Variants in COPS4 observed in about 807,000 individuals in gnomAD.
COPS4 encodes COP9 signalosome complex subunit 4.
A neutral mutation model predicts 55.1 loss-of-function variants in COPS4; 8 were observed. That is an observed-to-expected ratio of 0.15 (90% CI 0.09 to 0.26). The LOEUF (loss-of-function observed/expected upper bound fraction) is 0.26. Ranked by LOEUF, COPS4 falls within the 10% of genes least tolerant of loss-of-function variation. The pLI is 1.00. For missense variants in COPS4, 248 were observed against 484.0 expected (o/e 0.51, Z 4.58); for synonymous variants, 185 against 165.7 (o/e 1.12, Z -0.90).
intron 1 of COPS4, among the ~76,000 whole-genome samples, chr4:83,044,997 A>G (rs1730669449): frequency 2.0e-5 from 3 of 152,228 alleles, no homozygotes; most frequent in Admixed American, 2.0e-4. Context: ...ATTAGATCTG[A>G]ATGCAAATAA....
intron 6 of COPS4, among the ~76,000 whole-genome samples, chr4:83,058,304 A>G (rs72666503): frequency 0.44 from 67,319 of 152,062 alleles, 17,251 homozygotes; most frequent in Admixed American, 0.58. Flanking sequence ...TACAGCCTCA[A>G]TCTCCTGGGC....
intron 3 of COPS4, 47 bp from the exon 4 acceptor site, chr4:83,049,834 T>G: frequency 9.5e-7 from 1 of 1,056,686 alleles, no homozygotes; most frequent in Non-Finnish European, 1.4e-6. Flanking sequence ...TTTAATTAGT[T>G]ACTAATGTCA....
intron 4 of COPS4, among the ~76,000 whole-genome samples, chr4:83,054,846 G>A (rs1022123762): frequency 7.9e-5 from 12 of 152,184 alleles, no homozygotes; most frequent in African/African-American, 2.9e-4. Context: ...GTGACTAAAT[G>A]TAGACTTTGG....
chr4:83,066,575 A>T, intron 8 of COPS4, 22 bp downstream of exon 8: 1 of 1,184,282 alleles, frequency 8.4e-7, no homozygotes, highest in Non-Finnish European at 1.2e-6. Context: ...ATTCCAATAC[A>T]TTTAAAAAAA....
chr4:83,054,247 C>T (rs1730961259), intron 4 of COPS4, among the ~76,000 whole-genome samples: 1 of 152,096 alleles, frequency 6.6e-6, no homozygotes, highest in South Asian at 2.1e-4. Flanking sequence ...GAGGCTGAGG[C>T]AGGAGAATGG....
chr4:83,066,360 C>A lies in COPS4; in HGVS notation c.887-78C>A, dbSNP rs1578720162. 1.6e-5 allele frequency: 11 copies of A among 677,740 alleles called. No individual in the cohort carries two copies. In the East Asian group the frequency reaches 2.9e-4, roughly 18 times the overall value. The allele number at this position is 677,740 out of a possible 1,614,324, so 42.0% of individuals were successfully genotyped here. A position where few individuals can be genotyped will look rare whatever the true frequency, so the allele number is the denominator to read the frequency against. On this transcript the variant is annotated intron_variant, in intron 7 of 9. Coordinates refer to ENST00000264389, the MANE Select transcript of COPS4 (RefSeq NM_016129.3). ...GAGGATGAGTTATTACGTGCCTAGA[C>A]ATTTTCAGAAAAAATGATGCATCTT... is the stretch of plus-strand genomic sequence containing the variant.
chr4:83,050,113 A>C, intron 4 of COPS4, 129 bp downstream of exon 4: 1 of 587,796 alleles, frequency 1.7e-6, no homozygotes, highest in Admixed American at 3.4e-5. Context: ...GTATGTTAGA[A>C]GGTGATAAGT....
chr4:83,057,372 A>C lies in COPS4; in HGVS notation c.679A>C (p.Lys227Gln), dbSNP rs775815859. Reference protein sequence around the residue: ...VHESERLEALKHALHCTILAS... With the variant: ...VHESERLEALQHALHCTILAS... ...CGAAAGTGAAAGACTAGAGGCCTTA[A>C]AACATGCTTTGCACTGTACGATCTT... is the stretch of plus-strand genomic sequence containing the variant. Residue 227 changes from lysine (K) to glutamine (Q), a missense_variant, in exon 6 of 10, where the codon AAA (lysine) becomes CAA (glutamine). Physicochemically the swap from Lys to Gln is moderately conservative, Grantham distance 53 (BLOSUM62 1). Around this residue, in one of 4 missense-constraint regions of COPS4, gnomAD observed 155 missense variants for 326.6 expected, o/e 0.47. Coordinates refer to ENST00000264389, the MANE Select transcript of COPS4 (RefSeq NM_016129.3). 3 of 1,612,980 alleles carry C rather than the reference A, an allele frequency of 1.9e-6. No homozygotes were observed. Among genetic ancestry groups the C allele is most frequent in the Non-Finnish European group, 2.5e-6 (3 of 1,179,662 alleles).
chr4:83,056,041 G>A (rs1244961968), intron 4 of COPS4, among the ~76,000 whole-genome samples: 1 of 150,246 alleles, frequency 6.7e-6, no homozygotes, highest in Non-Finnish European at 1.5e-5. Context: ...CAATTCTCCT[G>A]TCTCAGCCTC....
intron 4 of COPS4, among the ~76,000 whole-genome samples, chr4:83,051,743 T>C (rs1475928761): frequency 1.3e-5 from 2 of 152,190 alleles, no homozygotes; most frequent in Non-Finnish European, 2.9e-5. Context: ...TTGGGAGTTA[T>C]TGACATATAG....
intron 1 of COPS4, among the ~76,000 whole-genome samples, chr4:83,039,055 C>T (rs903323471): frequency 9.9e-5 from 15 of 152,162 alleles, no homozygotes; most frequent in African/African-American, 3.6e-4. Flanking sequence ...GTGAAATAAA[C>T]CCCAAAACTT....
chr4:83,053,321 AGTAT>A (rs1730933397), intron 4 of COPS4, among the ~76,000 whole-genome samples: 2 of 152,232 alleles, frequency 1.3e-5, no homozygotes, highest in African/African-American at 4.8e-5. Flanking sequence ...TTGCCTAACA[AGTAT>A]GACAGCAAGA....
chr4:83,047,776 G>C (rs183460059), intron 2 of COPS4, among the ~76,000 whole-genome samples: 1 of 152,160 alleles, frequency 6.6e-6, no homozygotes, highest in African/African-American at 2.4e-5. Context: ...CGAGATGGGC[G>C]GATCACGAGG....
At chr4:83,039,421 C>A (rs1446343579) in intron 1 of COPS4, among the ~76,000 whole-genome samples, 1 of 152,130 alleles carries the variant, frequency 6.6e-6, no homozygotes, top group African/African-American at 2.4e-5. Context: ...TATTGGTTAA[C>A]CCCAGATTCA....
intron 1 of COPS4, among the ~76,000 whole-genome samples, chr4:83,040,015 C>CA (rs1223998456): frequency 3.3e-5 from 5 of 152,192 alleles, no homozygotes; most frequent in Admixed American, 1.3e-4. Flanking sequence ...GGCCCACTGA[C>CA]TATAACCTCT....
At position 83,059,718 on chromosome 4, in the gene COPS4, A is replaced by G. The variant is rs571632800; in HGVS notation, c.715+2310A>G. Among the ~76,000 whole-genome samples, 17 of 151,918 alleles carry G rather than the reference A, an allele frequency of 1.1e-4. No homozygotes were observed. In the East Asian group the frequency reaches 2.7e-3, roughly 24 times the overall value. Reference sequence around the variant, plus strand: ...TTTTTTTTGTTTGTTTGTTTTTGAAACGGAGTCTCACTCTGTTGCCCAGGC... The same window carrying G: ...TTTTTTTTGTTTGTTTGTTTTTGAAGCGGAGTCTCACTCTGTTGCCCAGGC... On this transcript the variant is annotated intron_variant, in intron 6 of 9. Transcript: ENST00000264389.
At chr4:83,058,030 A>G (rs1340857441) in intron 6 of COPS4, among the ~76,000 whole-genome samples, 1 of 151,756 alleles carries the variant, frequency 6.6e-6, no homozygotes, top group Non-Finnish European at 1.5e-5. Flanking sequence ...ACAAAAATTA[A>G]AATCTATAGA....
chr4:83,040,785 G>T, intron 1 of COPS4, among the ~76,000 whole-genome samples: 1 of 145,454 alleles, frequency 6.9e-6, no homozygotes, highest in African/African-American at 2.5e-5. Flanking sequence ...TTTTGAGGGA[G>T]GGTTGGTCCA....
chr4:83,052,936 G>A (rs980703356), intron 4 of COPS4, among the ~76,000 whole-genome samples: 1 of 152,220 alleles, frequency 6.6e-6, no homozygotes, highest in Non-Finnish European at 1.5e-5. Context: ...CAGCTGGAAC[G>A]GTGGATGGGG....
Sources: gnomAD v4.1 joint callset for allele counts (sites outside exome capture counted in the v4.1 genomes callset) on GRCh38, gnomAD v4.1.1 for gene constraint, gnomAD v4.1.1 regional missense constraint, MANE v1.5 for transcripts, NCBI Gene and HGNC (gene_info 2026-07-23, HGNC 2026-07-21) for gene names.